Variants in SUN2 observed in about 807,000 individuals in gnomAD.
SUN2 encodes Sad1 and UNC84 domain containing 2.
SUN2 carries 60 observed loss-of-function variants against 100.0 expected under a neutral mutation model. The observed-to-expected ratio is 0.60, with a 90% CI of 0.49 to 0.74. SUN2 has a LOEUF of 0.74. SUN2 is among the 30% of genes least tolerant of loss of function. The pLI, the probability that SUN2 is intolerant of heterozygous loss-of-function variation, is 0.00. For synonymous variants in SUN2, 367 were observed against 403.3 expected, an observed-to-expected ratio of 0.91 and a Z score of 1.08; for missense variants, 834 against 954.6, an observed-to-expected ratio of 0.87 and a Z score of 1.66.
chr22:38,739,740 C>T lies in SUN2; in HGVS notation c.1560G>A (p.Val520=). 6.2e-7 allele frequency: 1 copy of T among 1,613,666 alleles called. No homozygotes were observed. The highest frequency in any genetic ancestry group is 8.5e-7 in the Non-Finnish European group (1 of 1,180,000). The change falls in exon 13 of 18, where the codon GTG becomes GTA. Residue 520 remains valine (V), a synonymous_variant. Transcript: ENST00000689035. This position sits in a 1 kb window ranked among gnomAD's most constrained non-coding sequence, Gnocchi z 6.7. ...GCCTCACCTCCTCTGTCACTCCAAT[C>T]ACACCTTCTTTCTGCAGCGTCAGGC... is the stretch of plus-strand genomic sequence containing the variant. ...SLSLTLQKEG[V]IGVTEEQVHH...
At chr22:38,752,305 C>T (rs747086745) in intron 2 of SUN2, among the ~76,000 whole-genome samples, 11 of 152,324 alleles carry the variant, frequency 7.2e-5, no homozygotes, top group South Asian at 2.1e-4. Flanking sequence ...GGCTCACAGT[C>T]GGTGGGAGAA....
intron 7 of SUN2, 52 bp from the exon 8 acceptor site, chr22:38,745,863 C>A: frequency 6.3e-7 from 1 of 1,595,284 alleles, no homozygotes; most frequent in Non-Finnish European, 8.5e-7. Flanking sequence ...GCAAGAGGCG[C>A]GCGCCAGGGA....
intron 9 of SUN2, 25 bp from the exon 10 acceptor site, chr22:38,741,596 G>A: frequency 1.2e-6 from 2 of 1,609,910 alleles, no homozygotes; most frequent in East Asian, 2.2e-5. Flanking sequence ...TGAGAGGACA[G>A]GTTGGACAGA....
Position 38,740,538 on chromosome 22 carries a change from G to A in SUN2, c.1191-106C>T. The A allele has an allele frequency of 7.8e-7, 1 of 1,278,476 alleles. No individual in the cohort carries two copies. The highest frequency in any genetic ancestry group is 1.5e-5 in the African/African-American group (1 of 65,422). The allele number at this position is 1,278,476 out of a possible 1,614,324, so 79.2% of individuals were successfully genotyped here. ...TAGTGGGCTCCCGTCAGGAGAGCGG[G>A]TGCCCAGCACTCATTGTGAACCTGA... On this transcript the variant is annotated intron_variant, in intron 11 of 17. Transcript: ENST00000689035. The surrounding 1 kb of genome is among the most constrained non-coding windows in gnomAD (Gnocchi z 4.8).
rs748611243 is a variant in SUN2 at position 38,740,385 on chromosome 22, C to T, written c.1238G>A (p.Arg413Gln). 30 of 1,573,258 alleles carry T rather than the reference C, an allele frequency of 1.9e-5. No individual in the cohort carries two copies. Among genetic ancestry groups the T allele is most frequent in the Non-Finnish European group, 2.3e-5 (27 of 1,158,488 alleles). The change falls in exon 12 of 18, where the codon CGG becomes CAG. Residue 413 changes from arginine to glutamine, a missense_variant. Around this residue, in one of 3 missense-constraint regions of SUN2, gnomAD observed 559 missense variants for 597.7 expected, o/e 0.94. Coordinates refer to ENST00000689035, the MANE Select transcript of SUN2 (RefSeq NM_015374.3). The surrounding 1 kb of genome is among the most constrained non-coding windows in gnomAD (Gnocchi z 4.8). ...CAGGCCGGCCAGCTGGTCCTCCAGCCGCCTCAGCTCCTTCACAGAGCTCTC... is the reference window on the plus strand; with the variant it reads ...CAGGCCGGCCAGCTGGTCCTCCAGCTGCCTCAGCTCCTTCACAGAGCTCTC... ...FQESSVKELR[R>Q]LEDQLAGLQQ...
chr22:38,737,728 C>G lies in SUN2; in HGVS notation c.2040+445G>C, dbSNP rs150828496. 2.3e-4 allele frequency: 86 copies of G among 369,152 alleles called. No individual in the cohort carries two copies. Among genetic ancestry groups the G allele is most frequent in the African/African-American group, 1.7e-3 (79 of 47,186 alleles). 22.9% of individuals were successfully genotyped at this position (369,152 alleles called of 1,614,324 possible). ...TGTCAGCCCTAAGGAACCAGACTCTCCTGGGGTGGAGACTGGGAATCTGCA... is the reference window on the plus strand; with the variant it reads ...TGTCAGCCCTAAGGAACCAGACTCTGCTGGGGTGGAGACTGGGAATCTGCA... On this transcript the variant is annotated intron_variant, in intron 17 of 17. Transcript: ENST00000689035. This position sits in a 1 kb window ranked among gnomAD's most constrained non-coding sequence, Gnocchi z 4.1.
intron 1 of SUN2, 38 bp from the exon 2 acceptor site, chr22:38,752,703 G>C: frequency 6.4e-7 from 1 of 1,570,582 alleles, no homozygotes; most frequent in Non-Finnish European, 8.6e-7. Context: ...TGTGAGGCCT[G>C]GGGCTGTCCC....
intron 5 of SUN2, among the ~76,000 whole-genome samples, 165 bp from the exon 6 acceptor site, chr22:38,750,024 T>G (rs1053861881): frequency 1.9e-5 from 2 of 107,872 alleles, no homozygotes; most frequent in Non-Finnish European, 3.6e-5. Flanking sequence ...GCCCACACCC[T>G]CTGTCCTGCT....
At position 38,738,950 on chromosome 22, in the gene SUN2, C is replaced by T. The variant is rs868474704; in HGVS notation, c.1702G>A (p.Glu568Lys). 4 of 1,613,538 alleles carry T rather than the reference C, an allele frequency of 2.5e-6. No homozygotes were observed. Among genetic ancestry groups the T allele is most frequent in the African/African-American group, 1.3e-5 (1 of 74,884 alleles). The change falls in exon 15 of 18, where the codon GAG becomes AAG. Residue 568 changes from glutamate to lysine, a missense_variant. Transcript: ENST00000689035. This position sits in a 1 kb window ranked among gnomAD's most constrained non-coding sequence, Gnocchi z 6.6. ...AGGCTGAGGAGGGCCGTCTTGGTCT[C>T]GTAGGTCTCAGAACATCGGGTGCTG... The part of the protein sequence containing the change: ...VISTRCSETY[E>K]TKTALLSLFG...
chr22:38,755,950 G>A lies in SUN2; in HGVS notation c.-225C>T, dbSNP rs368298294. 163 of 983,452 alleles carry A rather than the reference G, an allele frequency of 1.7e-4. 1 individual carries two copies. In the East Asian group the frequency reaches 0.013, roughly 78 times the overall value. 60.9% of individuals were successfully genotyped at this position (983,452 alleles called of 1,614,324 possible). ...GACAAGGCGGGCGGGCGGACAATGC[G>A]GCCGGCGGAGGCCCGCGCTGCGCGA... On this transcript the variant is annotated 5_prime_UTR_variant, in exon 1 of 18. Coordinates refer to ENST00000689035, the MANE Select transcript of SUN2 (RefSeq NM_015374.3). The surrounding 1 kb of genome is among the most constrained non-coding windows in gnomAD (Gnocchi z 5.7).
intron 8 of SUN2, among the ~76,000 whole-genome samples, chr22:38,744,505 C>T (rs953081292): frequency 2.6e-5 from 4 of 152,102 alleles, no homozygotes; most frequent in African/African-American, 9.7e-5. Context: ...CGCTTGAGCC[C>T]AGGAGTTCAA....
Position 38,745,687 on chromosome 22 carries a change from G to A in SUN2, c.810C>T (p.Phe270=), listed in dbSNP as rs1490608111. The part of the protein sequence containing the change: ...GWEARDSSPH[F]QAEQRVMSRV... ...GCTACCACCCTCAGAGACTCACCTG[G>A]AAATGTGGCGATGAGTCTCTGGCTT... The change falls in exon 8 of 18, where the codon TTC becomes TTT. Residue 270 remains phenylalanine, a synonymous_variant. Transcript: ENST00000689035. The A allele has an allele frequency of 6.2e-7, 1 of 1,613,506 alleles. No individual in the cohort carries two copies. The highest frequency in any genetic ancestry group is 8.5e-7 in the Non-Finnish European group (1 of 1,179,996).
chr22:38,740,861 T>G lies in SUN2; in HGVS notation c.1190+146A>C, dbSNP rs1453752177. The G allele has an allele frequency of 1.1e-6, 1 of 885,632 alleles. No homozygotes were observed. The highest frequency in any genetic ancestry group is 2.7e-5 in the East Asian group (1 of 37,638). The allele number at this position is 885,632 out of a possible 1,614,324, so 54.9% of individuals were successfully genotyped here. A position where few individuals can be genotyped will look rare whatever the true frequency, so the allele number is the denominator to read the frequency against. ...AAAGACAGGCCCTGGGCAGGGGTCC[T>G]GAGCTGGGTTTCAACCCCTCCCCCT... On this transcript the variant is annotated intron_variant, in intron 11 of 17. Transcript: ENST00000689035. This position sits in a 1 kb window ranked among gnomAD's most constrained non-coding sequence, Gnocchi z 4.8.
At chr22:38,752,954 T>G (rs1026413808) in intron 1 of SUN2, among the ~76,000 whole-genome samples, 1 of 152,226 alleles carries the variant, frequency 6.6e-6, no homozygotes, top group African/African-American at 2.4e-5. Context: ...TCAGTTTCCT[T>G]GTCTTTATCC....
chr22:38,749,983 C>A, intron 5 of SUN2, 124 bp from the exon 6 acceptor site: 1 of 1,087,338 alleles, frequency 9.2e-7, no homozygotes, highest in Admixed American at 2.5e-5. Context: ...CTGTCCTGCC[C>A]TACCGGGACC....
intron 9 of SUN2, among the ~76,000 whole-genome samples, chr22:38,741,844 T>C (rs2092860629): frequency 6.6e-6 from 1 of 152,164 alleles, no homozygotes; most frequent in Non-Finnish European, 1.5e-5. Context: ...AACTGAGGCT[T>C]AGAGAAGGTG....
chr22:38,748,843 C>G, intron 6 of SUN2, 60 bp from the exon 7 acceptor site: 1 of 1,531,342 alleles, frequency 6.5e-7, no homozygotes, highest in South Asian at 1.1e-5. Flanking sequence ...CTCCAGGCCT[C>G]CACGTTCCAC....
chr22:38,749,629 C>T, intron 6 of SUN2, 137 bp downstream of exon 6: 1 of 781,596 alleles, frequency 1.3e-6, no homozygotes, highest in Non-Finnish European at 2.0e-6. Context: ...GGGGAAGCTA[C>T]TCCGTGATCG....
intron 6 of SUN2, 82 bp downstream of exon 6, chr22:38,749,684 G>A (rs1344424547): frequency 2.4e-5 from 31 of 1,297,384 alleles, no homozygotes; most frequent in Admixed American, 4.0e-5. Flanking sequence ...TCAGAGAATC[G>A]ACCATTACAG....
Sources: allele counts gnomAD v4.1 joint callset (sites outside exome capture counted in the v4.1 genomes callset), GRCh38; gene constraint gnomAD v4.1.1; regional missense constraint gnomAD v4.1.1; non-coding constraint Gnocchi (gnomAD v3.1); transcripts MANE v1.5; gene names NCBI Gene and HGNC (gene_info 2026-07-23, HGNC 2026-07-21).